SPARC: variants seen among roughly 807,000 people sequenced by gnomAD.
The protein encoded by SPARC is secreted protein acidic and cysteine rich.
A neutral mutation model predicts 37.7 loss-of-function variants in SPARC; 23 were observed. That is an observed-to-expected ratio of 0.61 (90% CI 0.44 to 0.87). The LOEUF is 0.87. Among genes scored for constraint, SPARC ranks in the 40% least tolerant of loss-of-function variants. The probability of loss-of-function intolerance (pLI) is 0.00; values close to 1 mark genes in which losing one functional copy is unlikely to be tolerated. For missense variants in SPARC, 312 were observed against 389.0 expected (o/e 0.80, Z 1.66); for synonymous variants, 155 against 150.8 (o/e 1.03, Z -0.20).
intron 4 of SPARC, chr5:151,672,820 C>T (rs1385821987): frequency 1.1e-5 from 4 of 380,110 alleles, no homozygotes; most frequent in Admixed American, 3.7e-5. Flanking sequence ...CAGCGACCTC[C>T]GTGGGACTGG....
chr5:151,666,243 C>T, intron 8 of SPARC, 118 bp downstream of exon 8: 1 of 1,040,028 alleles, frequency 9.6e-7, no homozygotes, highest in Non-Finnish European at 1.4e-6. Context: ...GCTCCAATCC[C>T]CAGGCAAACT....
rs369454074 is a variant in SPARC, at chr5:151,663,545, A to C, written c.*26T>G. 1.9e-5 allele frequency: 30 copies of C among 1,610,248 alleles called. No homozygotes were observed. Among genetic ancestry groups the C allele is most frequent in the Non-Finnish European group, 2.5e-5 (30 of 1,176,652 alleles). ...ACACGAAGGGGAGGGTTAAAGAGAG[A>C]ATCCGGTACTGTGGAAGGAGTGGAT... On this transcript the variant is annotated 3_prime_UTR_variant, in exon 10 of 10. Coordinates refer to ENST00000231061, the MANE Select transcript of SPARC (RefSeq NM_003118.4).
At chr5:151,683,365 T>A (rs1471312811) in intron 1 of SPARC, among the ~76,000 whole-genome samples, 1 of 152,170 alleles carries the variant, frequency 6.6e-6, no homozygotes, top group East Asian at 1.9e-4. Flanking sequence ...ATGGGGCTTG[T>A]GTGCATAAGT....
intron 6 of SPARC, among the ~76,000 whole-genome samples, chr5:151,667,812 C>T (rs1581521347): frequency 1.3e-5 from 2 of 152,252 alleles, no homozygotes; most frequent in Admixed American, 1.3e-4. Flanking sequence ...GGCATGGCTG[C>T]TGCTTTCCTC....
chr5:151,680,053 G>A (rs1201714259), intron 1 of SPARC, among the ~76,000 whole-genome samples: 1 of 152,088 alleles, frequency 6.6e-6, no homozygotes, highest in African/African-American at 2.4e-5. Flanking sequence ...CTGAATGCTT[G>A]AAATGTTGCC....
chr5:151,672,538 G>A (rs1760770571), intron 4 of SPARC: 1 of 152,738 alleles, frequency 6.5e-6, no homozygotes, highest in Non-Finnish European at 1.5e-5. Flanking sequence ...CGCTTCCAAA[G>A]TCCTTGCTCT....
Position 151,674,718 on chromosome 5 carries a change from G to T in SPARC, c.58-44C>A, listed in dbSNP as rs189580951. ...AGCGTTCAGAGGGGTCAGGAATAAGGCCAGCTTCACCTCCAAAGTGCCTGT... is the reference window on the plus strand; with the variant it reads ...AGCGTTCAGAGGGGTCAGGAATAAGTCCAGCTTCACCTCCAAAGTGCCTGT... On this transcript the variant is annotated intron_variant, in intron 2 of 9. Transcript: ENST00000231061. 127 of 1,595,628 alleles carry T rather than the reference G, an allele frequency of 8.0e-5. No homozygotes were observed. The African/African-American group carries it at 1.6e-3, about 20-fold the overall frequency.
intron 2 of SPARC, among the ~76,000 whole-genome samples, chr5:151,675,082 T>C (rs940111279): frequency 2.0e-5 from 3 of 152,186 alleles, no homozygotes; most frequent in Non-Finnish European, 2.9e-5. Context: ...CAGTGTGATA[T>C]TATTAGTAGT....
intron 1 of SPARC, among the ~76,000 whole-genome samples, chr5:151,682,446 G>A (rs1408688268): frequency 1.3e-5 from 2 of 152,136 alleles, no homozygotes; most frequent in African/African-American, 2.4e-5. Context: ...AAAAGCCTCC[G>A]AGATCCCAAA....
intron 1 of SPARC, among the ~76,000 whole-genome samples, chr5:151,680,723 T>G (rs1409008319): frequency 6.6e-6 from 1 of 152,218 alleles, no homozygotes; most frequent in East Asian, 1.9e-4. Flanking sequence ...ACTTTACCTC[T>G]TGGGGCCTCA....
In SPARC at chr5:151,663,559, G is replaced by A. The variant is rs759987965; in HGVS notation, c.*12C>T. 2 of 1,612,964 alleles carry A rather than the reference G, an allele frequency of 1.2e-6. No individual in the cohort carries two copies. Among genetic ancestry groups the A allele is most frequent in the East Asian group, 2.2e-5 (1 of 44,874 alleles). ...GTTAAAGAGAGAATCCGGTACTGTG[G>A]AAGGAGTGGATTTAGATCACAAGAT... On this transcript the variant is annotated 3_prime_UTR_variant, in exon 10 of 10. Coordinates refer to ENST00000231061, the MANE Select transcript of SPARC (RefSeq NM_003118.4).
intron 1 of SPARC, among the ~76,000 whole-genome samples, chr5:151,681,196 T>C (rs913860053): frequency 6.6e-6 from 1 of 151,932 alleles, no homozygotes. Flanking sequence ...CTCCAGGGAG[T>C]TGGGACTCGG....
chr5:151,667,690 A>G lies in SPARC; in HGVS notation c.452-90T>C, dbSNP rs551241774. ...CCCCACCCACCCACATACCACCTGC[A>G]TTGGTGGCCTTGGCACAGTGGCTCA... is the stretch of plus-strand genomic sequence containing the variant. On this transcript the variant is annotated intron_variant, in intron 6 of 9. Coordinates refer to ENST00000231061, the MANE Select transcript of SPARC (RefSeq NM_003118.4). The G allele has an allele frequency of 4.7e-4, 686 of 1,444,462 alleles. 3 individuals carry two copies. Among genetic ancestry groups the G allele is most frequent in the Middle Eastern group, 3.1e-3 (13 of 4,174 alleles). The allele number at this position is 1,444,462 out of a possible 1,614,324, so 89.5% of individuals were successfully genotyped here. A position where few individuals can be genotyped will look rare whatever the true frequency, so the allele number is the denominator to read the frequency against.
At chr5:151,679,741 T>C (rs553478794) in intron 1 of SPARC, 2 of 152,200 alleles carry the variant, frequency 1.3e-5, no homozygotes, top group Non-Finnish European at 2.9e-5. Flanking sequence ...GATGGAAAAG[T>C]ACAGCCAGCC....
intron 1 of SPARC, among the ~76,000 whole-genome samples, chr5:151,684,339 T>C (rs902452829): frequency 6.6e-6 from 1 of 152,020 alleles, no homozygotes; most frequent in Non-Finnish European, 1.5e-5. Context: ...AGAAACTCTA[T>C]TTAACAGTTT....
At chr5:151,666,237 C>T (rs1006170169) in intron 8 of SPARC, 124 bp downstream of exon 8, 10 of 972,814 alleles carry the variant, frequency 1.0e-5, no homozygotes, top group Non-Finnish European at 1.4e-5. Flanking sequence ...CCTTCTGCTC[C>T]AATCCCCAGG....
chr5:151,676,546 C>T (rs971043602), intron 1 of SPARC, among the ~76,000 whole-genome samples: 15 of 152,010 alleles, frequency 9.9e-5, no homozygotes, highest in African/African-American at 3.4e-4. Context: ...TTTACAGTTT[C>T]CTTCTATTTA....
chr5:151,664,697 G>T (rs1457744774), intron 8 of SPARC, among the ~76,000 whole-genome samples: 1 of 152,084 alleles, frequency 6.6e-6, no homozygotes, highest in Non-Finnish European at 1.5e-5. Flanking sequence ...CCTAGTAAAG[G>T]GTCTAAAAAT....
chr5:151,685,645 C>G (rs1761121728), intron 1 of SPARC, among the ~76,000 whole-genome samples: 1 of 152,186 alleles, frequency 6.6e-6, no homozygotes, highest in Non-Finnish European at 1.5e-5. Flanking sequence ...TACCTAAGAT[C>G]ACACATAAAA....
Sources: allele counts gnomAD v4.1 joint callset (sites outside exome capture counted in the v4.1 genomes callset), GRCh38; gene constraint gnomAD v4.1.1; transcripts MANE v1.5; gene names NCBI Gene and HGNC (gene_info 2026-07-23, HGNC 2026-07-21).